The following GRIP1 variants were observed in gnomAD, a reference collection of about 807,000 sequenced individuals.
GRIP1 encodes the protein glutamate receptor-interacting protein 1.
Under a neutral mutation model 129.9 loss-of-function variants are expected in GRIP1, and 45 were observed. The ratio of observed to expected loss-of-function variants is 0.35; its 90% CI spans 0.27 to 0.44. GRIP1 has a LOEUF of 0.44. GRIP1 is among the 20% of genes least tolerant of loss of function. The pLI, the probability that GRIP1 is intolerant of heterozygous loss-of-function variation, is 1.00. For synonymous variants in GRIP1, 530 were observed against 520.8 expected (o/e 1.02, Z -0.24); for missense variants, 1,196 against 1,396.8 (o/e 0.86, Z 2.29).
chr12:66,546,328 T>A (rs1039813170), intron 2 of GRIP1, among the ~76,000 whole-genome samples: 2 of 151,990 alleles, frequency 1.3e-5, no homozygotes, highest in East Asian at 3.9e-4. Flanking sequence ...TGCATAATTT[T>A]TTTTTTTTTT....
chr12:66,753,521 T>C (rs773066467), intron 1 of GRIP1, among the ~76,000 whole-genome samples: 7 of 152,222 alleles, frequency 4.6e-5, no homozygotes, highest in Non-Finnish European at 1.0e-4. Flanking sequence ...TATGATGTTA[T>C]GCCACTGAGA....
At chr12:66,928,426 T>C (rs2041331883) in intron 1 of GRIP1, among the ~76,000 whole-genome samples, 2 of 152,236 alleles carry the variant, frequency 1.3e-5, no homozygotes, top group African/African-American at 4.8e-5. Flanking sequence ...CCAGAACACT[T>C]AGAAGTACTT....
intron 2 of GRIP1, among the ~76,000 whole-genome samples, chr12:66,542,993 C>T (rs1392903088): frequency 6.6e-6 from 1 of 152,144 alleles, no homozygotes; most frequent in Non-Finnish European, 1.5e-5. Flanking sequence ...AACCCTTTCC[C>T]TAATTACAGT....
chr12:66,582,142 C>G lies in GRIP1; in HGVS notation c.136+14705G>C, dbSNP rs1010282144. On this transcript the variant is annotated intron_variant, in intron 2 of 24. Coordinates refer to ENST00000359742, the MANE Select transcript of GRIP1 (RefSeq NM_001366722.1). ...ATGTAATCCAGCATATAAACAGAACCAAAGACAAAAACCACATGATTATCT... is the reference window on the plus strand; with the variant it reads ...ATGTAATCCAGCATATAAACAGAACGAAAGACAAAAACCACATGATTATCT... Among the ~76,000 whole-genome samples the G allele has an allele frequency of 1.4e-4, 21 of 151,832 alleles. No individual in the cohort carries two copies. The East Asian group carries it at 1.9e-3, about 14-fold the overall frequency.
At chr12:67,014,654 C>T (rs1242254831) in intron 1 of GRIP1, among the ~76,000 whole-genome samples, 1 of 152,090 alleles carries the variant, frequency 6.6e-6, no homozygotes, top group African/African-American at 2.4e-5. Flanking sequence ...AACTTCCATT[C>T]CATAACCCCC....
chr12:66,358,840 A>G lies in GRIP1; in HGVS notation c.3013-5277T>C, dbSNP rs1260370388. 5.3e-5 allele frequency among the ~76,000 whole-genome samples: 8 copies of G among 152,304 alleles called. No individual in the cohort carries two copies. In the South Asian group the frequency reaches 1.2e-3, roughly 24 times the overall value. On this transcript the variant is annotated intron_variant, in intron 23 of 24. Transcript: ENST00000359742. ...ATAGTGAGAGAAGGGAAAAAATGAG[A>G]AGGAGGCTAGTAGTTATTAGAATTG...
chr12:66,388,436 C>T (rs1315936849), intron 19 of GRIP1, among the ~76,000 whole-genome samples: 7 of 152,130 alleles, frequency 4.6e-5, no homozygotes, highest in African/African-American at 9.7e-5. Flanking sequence ...CTATTCAGCC[C>T]GCGAGCATGG....
chr12:66,914,921 T>C (rs2041094663), intron 1 of GRIP1, among the ~76,000 whole-genome samples: 1 of 152,140 alleles, frequency 6.6e-6, no homozygotes, highest in African/African-American at 2.4e-5. Context: ...ATCCAGGAGT[T>C]TGAGTCCAGC....
chr12:66,794,337 T>C (rs1444975255), intron 1 of GRIP1, among the ~76,000 whole-genome samples: 2 of 152,176 alleles, frequency 1.3e-5, no homozygotes, highest in Non-Finnish European at 2.9e-5. Context: ...CTATAGATGG[T>C]CCAGGCACTG....
intron 1 of GRIP1, among the ~76,000 whole-genome samples, chr12:66,657,528 T>C (rs899592089): frequency 6.6e-6 from 1 of 152,220 alleles, no homozygotes; most frequent in Non-Finnish European, 1.5e-5. Context: ...AAAATAGATC[T>C]TTCAGGTCTG....
chr12:67,021,624 T>C (rs991127054), intron 1 of GRIP1, among the ~76,000 whole-genome samples: 1 of 152,214 alleles, frequency 6.6e-6, no homozygotes, highest in Non-Finnish European at 1.5e-5. Context: ...CAAACACTTA[T>C]CATTTTCTTG....
chr12:66,805,932 T>A (rs1437790247), upstream of GRIP1, among the ~76,000 whole-genome samples: 1 of 151,606 alleles, frequency 6.6e-6, no homozygotes, highest in East Asian at 1.9e-4. Flanking sequence ...TTTATGAACA[T>A]CTTTAAATTA....
rs528368073 is a variant in GRIP1 at position 66,895,343 on chromosome 12, G to A, written c.58+173707C>T. ...CATAAAGGGCAGTTCCCCTACACAC[G>A]TTCTCTTGCCTGCTGCCATGTAAGA... On this transcript the variant is annotated intron_variant, in intron 1 of 1. Coordinates refer to the GRIP1 transcript ENST00000643019. Among the ~76,000 whole-genome samples, 8 of 152,214 alleles carry A rather than the reference G, an allele frequency of 5.3e-5. No homozygotes were observed. In the South Asian group the frequency reaches 1.2e-3, roughly 24 times the overall value.
chr12:66,997,142 C>T (rs983318529), intron 1 of GRIP1, among the ~76,000 whole-genome samples: 5 of 152,068 alleles, frequency 3.3e-5, no homozygotes, highest in South Asian at 2.1e-4. Flanking sequence ...AAATCTGCAG[C>T]GTAAGAGTGA....
At chr12:66,633,323 A>ACTATATT (rs935979110) in intron 1 of GRIP1, among the ~76,000 whole-genome samples, 1 of 137,616 alleles carries the variant, frequency 7.3e-6, no homozygotes, top group Non-Finnish European at 1.6e-5. Context: ...ACTATACTAT[A>ACTATATT]TATATATAGT....
chr12:66,816,655 A>G (rs1485621647), intron 1 of GRIP1, among the ~76,000 whole-genome samples: 1 of 152,232 alleles, frequency 6.6e-6, no homozygotes, highest in African/African-American at 2.4e-5. Context: ...TGAGACTACC[A>G]TTTTAAAATA....
At chr12:66,601,106 G>A (rs539855746) in intron 1 of GRIP1, among the ~76,000 whole-genome samples, 1 of 152,192 alleles carries the variant, frequency 6.6e-6, no homozygotes, top group African/African-American at 2.4e-5. Flanking sequence ...GAAAGCATTA[G>A]TCAAGCATAC....
chr12:66,636,710 G>A (rs2031411964), intron 1 of GRIP1, among the ~76,000 whole-genome samples: 1 of 115,294 alleles, frequency 8.7e-6, no homozygotes, highest in South Asian at 2.9e-4. Flanking sequence ...GGAGACATTA[G>A]ATCTCTGTGT....
At chr12:66,775,948 G>A (rs1304697195) in intron 1 of GRIP1, among the ~76,000 whole-genome samples, 1 of 152,162 alleles carries the variant, frequency 6.6e-6, no homozygotes, top group Non-Finnish European at 1.5e-5. Flanking sequence ...ACACAGTATA[G>A]CATTGCCAAA....
Sources: allele counts gnomAD v4.1 joint callset (sites outside exome capture counted in the v4.1 genomes callset), GRCh38; gene constraint gnomAD v4.1.1; transcripts MANE v1.5; gene names NCBI Gene and HGNC (gene_info 2026-07-23, HGNC 2026-07-21).